Variants in XRCC4 observed in about 807,000 individuals in gnomAD.
XRCC4 encodes DNA repair protein XRCC4.
In XRCC4, 28 loss-of-function variants were observed where a neutral mutation model predicts 39.1. The ratio of observed to expected loss-of-function variants is 0.72; its 90% CI spans 0.53 to 0.98. XRCC4 has a LOEUF of 0.98. Ranked by LOEUF, XRCC4 falls within the 50% of genes least tolerant of loss-of-function variation. The probability of loss-of-function intolerance (pLI) is 0.00; values close to 1 mark genes in which losing one functional copy is unlikely to be tolerated. For synonymous variants in XRCC4, 123 were observed against 126.4 expected (o/e 0.97, Z 0.18); for missense variants, 350 against 376.4 (o/e 0.93, Z 0.58).
intron 4 of XRCC4, 33 bp from the exon 5 acceptor site, chr5:83,203,519 A>T (rs1751293049): frequency 6.4e-7 from 1 of 1,552,812 alleles, no homozygotes; most frequent in African/African-American, 1.4e-5. Context: ...GCAGAACTGC[A>T]TGACTAATTT....
the XRCC4 span, among the ~76,000 whole-genome samples, chr5:83,362,134 G>A: frequency 6.6e-6 from 1 of 151,832 alleles, no homozygotes; most frequent in Admixed American, 6.6e-5. Flanking sequence ...GCAATGTCAT[G>A]TTAAAGATGG....
At chr5:83,269,460 T>C (rs1202656117) in intron 7 of XRCC4, among the ~76,000 whole-genome samples, 1 of 150,556 alleles carries the variant, frequency 6.6e-6, no homozygotes, top group East Asian at 1.9e-4. Flanking sequence ...CCAATTAAAA[T>C]GAATAGTAGA....
At chr5:83,150,765 A>G (rs549070244) in intron 3 of XRCC4, among the ~76,000 whole-genome samples, 16 of 152,258 alleles carry the variant, frequency 1.1e-4, no homozygotes, top group African/African-American at 3.6e-4. Flanking sequence ...AGCATGAGGA[A>G]TTATTGGATT....
In XRCC4 at chr5:83,353,676, A is replaced by C. The variant is rs967615323; in HGVS notation, c.*434A>C. ...TGAACATTGATGTTTGAACATTTTA[A>C]TTTGTGTGATGATGTAGAAAATATA... On this transcript the variant is annotated 3_prime_UTR_variant, in exon 8 of 8. Coordinates refer to ENST00000396027, the MANE Select transcript of XRCC4 (RefSeq NM_003401.5). The C allele has an allele frequency of 6.6e-6, 1 of 152,424 alleles. No individual in the cohort carries two copies. The highest frequency in any genetic ancestry group is 2.4e-5 in the African/African-American group (1 of 41,472). The allele number at this position is 152,424 out of a possible 1,614,324, so 9.4% of individuals were successfully genotyped here.
At chr5:83,092,164 A>G (rs1745459421) in intron 1 of XRCC4, among the ~76,000 whole-genome samples, 1 of 152,168 alleles carries the variant, frequency 6.6e-6, no homozygotes, top group African/African-American at 2.4e-5. Context: ...TTCTTTTGAC[A>G]AATACCTATT....
chr5:83,155,903 A>T (rs369720876), intron 3 of XRCC4, among the ~76,000 whole-genome samples: 1 of 152,094 alleles, frequency 6.6e-6, no homozygotes, highest in African/African-American at 2.4e-5. Context: ...CGTTAAATAG[A>T]CAATATGAAC....
intron 7 of XRCC4, among the ~76,000 whole-genome samples, chr5:83,303,152 G>A (rs1378889805): frequency 1.3e-5 from 2 of 149,426 alleles, no homozygotes; most frequent in Non-Finnish European, 3.0e-5. Flanking sequence ...GGCGGAGGTT[G>A]CAGTGAGCCA....
chr5:83,113,409 C>CCAGCCA (rs1417832451), intron 3 of XRCC4, among the ~76,000 whole-genome samples: 1 of 152,108 alleles, frequency 6.6e-6, no homozygotes, highest in Non-Finnish European at 1.5e-5. Context: ...TGTGGCTTTC[C>CCAGCCA]CAGGGGCACA....
intron 6 of XRCC4, among the ~76,000 whole-genome samples, chr5:83,250,615 G>A (rs1017530159): frequency 6.6e-6 from 1 of 152,138 alleles, no homozygotes; most frequent in Non-Finnish European, 1.5e-5. Context: ...TACCCAAAAA[G>A]GTGGTTGTAT....
intron 6 of XRCC4, among the ~76,000 whole-genome samples, chr5:83,215,355 T>A (rs893793825): frequency 6.6e-6 from 1 of 151,874 alleles, no homozygotes; most frequent in African/African-American, 2.4e-5. Flanking sequence ...AACAAAAAAA[T>A]TAATATTGTT....
At chr5:83,114,791 A>G (rs1746629346) in intron 3 of XRCC4, among the ~76,000 whole-genome samples, 1 of 152,070 alleles carries the variant, frequency 6.6e-6, no homozygotes, top group Admixed American at 6.5e-5. Flanking sequence ...GGGTACCTTT[A>G]TAGCAGCACT....
At chr5:83,156,307 G>A (rs1274033261) in intron 3 of XRCC4, among the ~76,000 whole-genome samples, 1 of 125,856 alleles carries the variant, frequency 7.9e-6, no homozygotes, top group African/African-American at 3.0e-5. Context: ...TTGCTTTTTT[G>A]TTGGTACCCT....
chr5:83,301,348 CTA>C (rs1387588221), intron 7 of XRCC4, among the ~76,000 whole-genome samples: 5 of 151,976 alleles, frequency 3.3e-5, no homozygotes, highest in African/African-American at 7.3e-5. Flanking sequence ...AGCTTTTTTT[CTA>C]TGTTTGTTGG....
At chr5:83,209,083 A>AGTGT (rs35019637) in intron 6 of XRCC4, among the ~76,000 whole-genome samples, 5,198 of 143,530 alleles carry the variant, frequency 0.036, 116 homozygotes, top group African/African-American at 0.075. Flanking sequence ...CTCCAAAGTG[A>AGTGT]GTGTGTGTGT....
chr5:83,155,893 C>T (rs1441197936), intron 3 of XRCC4, among the ~76,000 whole-genome samples: 5 of 151,894 alleles, frequency 3.3e-5, no homozygotes, highest in Admixed American at 2.0e-4. Context: ...TTTTCTCTAG[C>T]GTTAAATAGA....
intron 6 of XRCC4, among the ~76,000 whole-genome samples, chr5:83,209,767 A>C (rs183448847): frequency 3.5e-4 from 53 of 152,192 alleles, no homozygotes; most frequent in Admixed American, 2.7e-3. Context: ...ATTATAGGAT[A>C]ATTAAGAGCA....
chr5:83,294,616 A>G (rs1417710795), intron 7 of XRCC4, among the ~76,000 whole-genome samples: 2 of 152,052 alleles, frequency 1.3e-5, no homozygotes, highest in Non-Finnish European at 2.9e-5. Flanking sequence ...GTCTACCTCA[A>G]TAGCTTTTTA....
At chr5:83,337,462 A>G (rs1756627898) in intron 7 of XRCC4, among the ~76,000 whole-genome samples, 1 of 152,136 alleles carries the variant, frequency 6.6e-6, no homozygotes, top group East Asian at 1.9e-4. Flanking sequence ...CCAAGTTGTT[A>G]TATGTCAGAC....
intron 7 of XRCC4, among the ~76,000 whole-genome samples, chr5:83,338,083 A>G (rs1194325038): frequency 6.6e-6 from 1 of 152,182 alleles, no homozygotes; most frequent in Non-Finnish European, 1.5e-5. Context: ...GGTGAATGAC[A>G]AGAAGTTTGG....
Sources: allele counts gnomAD v4.1 joint callset (sites outside exome capture counted in the v4.1 genomes callset), GRCh38; gene constraint gnomAD v4.1.1; transcripts MANE v1.5; gene names NCBI Gene and HGNC (gene_info 2026-07-23, HGNC 2026-07-21).